Variants in TRPC5 observed in about 807,000 individuals in gnomAD.
TRPC5 encodes the protein short transient receptor potential channel 5.
In TRPC5, 9 loss-of-function variants were observed where a neutral mutation model predicts 56.5. That is an observed-to-expected ratio of 0.16 (90% CI 0.10 to 0.28). The LOEUF is 0.28. Among genes scored for constraint, TRPC5 ranks in the 10% least tolerant of loss-of-function variants. TRPC5 has a pLI of 1.00. For synonymous variants in TRPC5, 282 were observed against 278.5 expected, an observed-to-expected ratio of 1.01 and a Z score of -0.13; for missense variants, 469 against 748.9, an observed-to-expected ratio of 0.63 and a Z score of 4.36.
chrX:111,814,102 G>A (rs976902108), intron 7 of TRPC5, among the ~76,000 whole-genome samples: 1 of 111,990 alleles, frequency 8.9e-6, no homozygotes, highest in Non-Finnish European at 1.9e-5. Flanking sequence ...AAATATGTTA[G>A]CATTTTGAAG....
chrX:111,889,452 G>A (rs1271592001), intron 3 of TRPC5, among the ~76,000 whole-genome samples: 4 of 112,389 alleles, frequency 3.6e-5, no homozygotes, highest in African/African-American at 1.3e-4. Flanking sequence ...AAGAAATCTT[G>A]TAAGAAATCC....
intron 1 of TRPC5, among the ~76,000 whole-genome samples, chrX:112,050,251 A>G (rs1188452368): frequency 8.9e-6 from 1 of 112,719 alleles, no homozygotes; most frequent in East Asian, 2.8e-4. Context: ...CATTTTCGAT[A>G]CTGAATTGAC....
At position 111,773,719 on chromosome X, in the gene TRPC5, T is replaced by C. The variant is rs888596336; in HGVS notation, c.*2594A>G. On this transcript the variant is annotated 3_prime_UTR_variant, in exon 11 of 11. Coordinates refer to ENST00000262839, the MANE Select transcript of TRPC5 (RefSeq NM_012471.3). ...CTCTTTATTTTCTATTTGTAAAATA[T>C]GAGGTTGGAATAGAGTAGATCCTTT... Among the ~76,000 whole-genome samples the C allele has an allele frequency of 3.2e-4, 36 of 111,633 alleles. No homozygotes were observed. The highest frequency in any genetic ancestry group is 1.1e-3 in the African/African-American group (34 of 30,810).
At chrX:111,929,853 T>A (rs1926359515) in intron 2 of TRPC5, among the ~76,000 whole-genome samples, 1 of 112,162 alleles carries the variant, frequency 8.9e-6, no homozygotes, top group South Asian at 3.7e-4. Context: ...GAAGTCAATA[T>A]GAGAATTCCA....
At chrX:111,987,856 A>G (rs61197922) in intron 1 of TRPC5, among the ~76,000 whole-genome samples, 15,807 of 111,646 alleles carry the variant, frequency 0.14, 2,175 homozygotes, top group African/African-American at 0.43. Context: ...CAGGCCTTCA[A>G]ATGATTGAAT....
At chrX:111,905,932 G>GAA (rs60137773) in intron 3 of TRPC5, among the ~76,000 whole-genome samples, 1 of 93,500 alleles carries the variant, frequency 1.1e-5, no homozygotes, top group Non-Finnish European at 2.1e-5. Flanking sequence ...AAAAAAAAAA[G>GAA]AAAGAAAGAA....
At position 112,013,412 on chromosome X, in the gene TRPC5, T is replaced by C. The variant is rs913436918; in HGVS notation, c.-21-60971A>G. ...GTGATCTGCCTGCCTCGGCCTCTCA[T>C]AGTGGCTAGGATTACAGGCCTGAGC... On this transcript the variant is annotated intron_variant, in intron 1 of 10. Coordinates refer to ENST00000262839, the MANE Select transcript of TRPC5 (RefSeq NM_012471.3). Among the ~76,000 whole-genome samples, 4 of 111,922 alleles carry C rather than the reference T, an allele frequency of 3.6e-5. No homozygotes were observed. The East Asian group carries it at 1.1e-3, about 31-fold the overall frequency.
intron 2 of TRPC5, among the ~76,000 whole-genome samples, chrX:111,936,986 C>T (rs1926603870): frequency 9.5e-6 from 1 of 105,809 alleles, no homozygotes; most frequent in Admixed American, 9.9e-5. Flanking sequence ...CCTAATTCTC[C>T]ACATCCTCTC....
intron 1 of TRPC5, among the ~76,000 whole-genome samples, chrX:112,003,391 C>A (rs1928751100): frequency 9.0e-6 from 1 of 110,830 alleles, no homozygotes; most frequent in South Asian, 3.8e-4. Context: ...CAGAAAAGAA[C>A]TGCTTTCCAA....
intron 1 of TRPC5, among the ~76,000 whole-genome samples, chrX:111,963,170 G>GATTAT (rs755608426): frequency 8.9e-6 from 1 of 112,526 alleles, no homozygotes; most frequent in African/African-American, 3.2e-5. Flanking sequence ...CACACCAGGA[G>GATTAT]ATTATATCCC....
At chrX:111,877,052 T>C (rs1337982971) in intron 3 of TRPC5, among the ~76,000 whole-genome samples, 3 of 111,664 alleles carry the variant, frequency 2.7e-5, no homozygotes, top group African/African-American at 9.8e-5. Context: ...TGTTTCAGAA[T>C]GATCAATCTT....
At chrX:111,781,299 G>T in intron 8 of TRPC5, 93 bp from the exon 9 acceptor site, 1 of 803,711 alleles carries the variant, frequency 1.2e-6, no homozygotes, top group Middle Eastern at 3.0e-4. Flanking sequence ...TATATATTAG[G>T]ACTAGAGAAT....
chrX:111,925,333 C>T (rs1479079592), intron 2 of TRPC5, among the ~76,000 whole-genome samples: 1 of 112,319 alleles, frequency 8.9e-6, no homozygotes, highest in Non-Finnish European at 1.9e-5. Context: ...ATCAGGAATT[C>T]GTTATATGCT....
Position 111,912,671 on chromosome X carries a change from T to C in TRPC5, c.520A>G (p.Ile174Val). 2 of 1,211,097 alleles carry C rather than the reference T, an allele frequency of 1.7e-6. No homozygotes were observed. The highest frequency in any genetic ancestry group is 4.3e-5 in the Admixed American group (2 of 45,984). ...ACACACTCCACACAGTTGCAGCGGA[T>C]CTGGTGGGGCCGTGGGATAGTGACC... ...KRVTIPRPHQIRCNCVECVSS... is the reference protein window; with the variant it reads ...KRVTIPRPHQVRCNCVECVSS... The change falls in exon 3 of 11, where the codon ATC becomes GTC. Residue 174 changes from isoleucine to valine, a missense_variant. Physicochemically the swap from Ile to Val is conservative, Grantham distance 29 (BLOSUM62 3). This residue lies in a region of TRPC5 where 118 missense variants were observed against 167.1 expected (regional missense o/e 0.71). Coordinates refer to ENST00000262839, the MANE Select transcript of TRPC5 (RefSeq NM_012471.3).
chrX:111,805,210 C>T (rs1012757835), intron 7 of TRPC5, among the ~76,000 whole-genome samples: 1 of 111,799 alleles, frequency 8.9e-6, no homozygotes, highest in Non-Finnish European at 1.9e-5. Flanking sequence ...CCAACTTGAT[C>T]GTGGTGGATA....
chrX:111,993,297 A>G (rs763125902), intron 1 of TRPC5, among the ~76,000 whole-genome samples: 95 of 111,755 alleles, frequency 8.5e-4, no homozygotes, highest in African/African-American at 2.8e-3. Context: ...AATCCAGTCT[A>G]TCACTGATGG....
At chrX:111,969,206 T>G (rs1603123625) in intron 1 of TRPC5, among the ~76,000 whole-genome samples, 2 of 111,065 alleles carry the variant, frequency 1.8e-5, no homozygotes, top group East Asian at 2.8e-4. Flanking sequence ...ATCGTTAACA[T>G]TTTTTAGCAA....
intron 7 of TRPC5, among the ~76,000 whole-genome samples, chrX:111,782,631 A>C (rs759034465): frequency 6.3e-5 from 7 of 111,500 alleles, no homozygotes; most frequent in African/African-American, 2.3e-4. Flanking sequence ...AGACAAGTAC[A>C]CACTAAACTG....
intron 1 of TRPC5, among the ~76,000 whole-genome samples, chrX:112,080,557 T>C (rs1171084137): frequency 1.8e-5 from 2 of 111,592 alleles, no homozygotes; most frequent in African/African-American, 6.5e-5. Context: ...CAGAGAGAGC[T>C]TCAGAGACTC....
Sources: allele counts gnomAD v4.1 joint callset (sites outside exome capture counted in the v4.1 genomes callset), GRCh38; gene constraint gnomAD v4.1.1; regional missense constraint gnomAD v4.1.1; transcripts MANE v1.5; gene names NCBI Gene and HGNC (gene_info 2026-07-23, HGNC 2026-07-21).